Variants in PAH observed in about 807,000 individuals in gnomAD.
The protein encoded by PAH is phenylalanine hydroxylase.
In PAH, 64 loss-of-function variants were observed where a neutral mutation model predicts 62.0. That is an observed-to-expected ratio of 1.03 (90% confidence interval 0.84 to 1.27). The LOEUF (loss-of-function observed/expected upper bound fraction) is 1.27, where lower values mean the gene tolerates loss of function less well. Ranked by LOEUF, PAH falls within the 50% of genes most tolerant of loss-of-function variation. The pLI is 0.00. For missense variants in PAH, 579 were observed against 542.8 expected (o/e 1.07, Z -0.66); for synonymous variants, 195 against 196.2 (o/e 0.99, Z 0.05).
intron 2 of PAH, among the ~76,000 whole-genome samples, chr12:102,911,783 A>G (rs767330131): frequency 3.3e-5 from 5 of 152,172 alleles, no homozygotes; most frequent in Non-Finnish European, 7.3e-5. Context: ...CATGCCCCAA[A>G]AGGATTTGTT....
At chr12:102,948,187 G>T (rs897906571) in intron 1 of PAH, among the ~76,000 whole-genome samples, 1 of 152,134 alleles carries the variant, frequency 6.6e-6, no homozygotes, top group Non-Finnish European at 1.5e-5. Context: ...GGGAAGGTAC[G>T]CATTTTATAA....
chr12:102,949,505 T>A (rs1879652999), intron 1 of PAH, among the ~76,000 whole-genome samples: 1 of 152,214 alleles, frequency 6.6e-6, no homozygotes, highest in African/African-American at 2.4e-5. Context: ...TGAGAGACGA[T>A]GAGCAACTTG....
chr12:102,927,116 A>C (rs562523542), intron 1 of PAH, among the ~76,000 whole-genome samples: 1 of 152,110 alleles, frequency 6.6e-6, no homozygotes. Context: ...GAGAAGGCTC[A>C]GCCATTGATA....
chr12:102,851,308 C>T (rs1875138337), intron 8 of PAH, among the ~76,000 whole-genome samples: 1 of 152,054 alleles, frequency 6.6e-6, no homozygotes, highest in Admixed American at 6.5e-5. Flanking sequence ...ACACAAATAA[C>T]TGCCTGACAA....
At chr12:102,906,527 G>T (rs1339793793) in intron 2 of PAH, among the ~76,000 whole-genome samples, 1 of 152,118 alleles carries the variant, frequency 6.6e-6, no homozygotes, top group African/African-American at 2.4e-5. Context: ...GAGGTTAAAA[G>T]TTATGAACCT....
At chr12:102,912,529 C>A (rs554513929) in intron 2 of PAH, among the ~76,000 whole-genome samples, 1 of 152,114 alleles carries the variant, frequency 6.6e-6, no homozygotes, top group East Asian at 1.9e-4. Context: ...AGGCATTTTA[C>A]AAAACACATT....
rs1317127432 is a variant in PAH, at chr12:102,868,156, A to G, written c.442-1493T>C. Among the ~76,000 whole-genome samples, 6 of 6,332 alleles carry G rather than the reference A, an allele frequency of 9.5e-4. 1 individual carries two copies. The highest frequency in any genetic ancestry group is 6.3e-3 in the African/African-American group (5 of 788). The allele number at this position is 6,332 out of a possible 152,430, so 4.2% of individuals were successfully genotyped here. A position where few individuals can be genotyped will look rare whatever the true frequency, so the allele number is the denominator to read the frequency against. On this transcript the variant is annotated intron_variant, in intron 4 of 12. Coordinates refer to ENST00000553106, the MANE Select transcript of PAH (RefSeq NM_000277.3). ...TATATATATATATATATATATATAC[A>G]CATATATATACATATATGTGTATAT...
intron 1 of PAH, chr12:102,950,202 C>G (rs552683103): frequency 6.6e-6 from 1 of 152,346 alleles, no homozygotes; most frequent in Admixed American, 6.5e-5. Flanking sequence ...AGAAATCCTT[C>G]TCTTCCTCTC....
At chr12:102,849,747 C>T (rs1049990626) in intron 8 of PAH, among the ~76,000 whole-genome samples, 1 of 152,188 alleles carries the variant, frequency 6.6e-6, no homozygotes, top group African/African-American at 2.4e-5. Context: ...TCTTAGTCAC[C>T]ATTCTTTGTG....
At position 102,912,718 on chromosome 12, in the gene PAH, T is replaced by C. The variant is rs1199136525; in HGVS notation, c.168+73A>G. On this transcript the variant is annotated intron_variant, in intron 2 of 12. Transcript: ENST00000553106. ...TGTTCCAGATCCTGTGTTCTTTTCA[T>C]TGCATCTAACTAGAAAAGAACATGG... 6.6e-6 allele frequency: 7 copies of C among 1,057,630 alleles called. No homozygotes were observed. In the South Asian group the frequency reaches 8.8e-5, roughly 13 times the overall value. The allele number at this position is 1,057,630 out of a possible 1,614,324, so 65.5% of individuals were successfully genotyped here.
intron 8 of PAH, 119 bp from the exon 9 acceptor site, chr12:102,847,070 G>C (rs1175835605): frequency 6.5e-6 from 5 of 770,368 alleles, no homozygotes; most frequent in Non-Finnish European, 1.2e-5. Flanking sequence ...AGCCCACATA[G>C]ACCCTGAGTG....
At chr12:102,922,032 C>A (rs1369191732), upstream of PAH, among the ~76,000 whole-genome samples, 1 of 151,914 alleles carries the variant, frequency 6.6e-6, no homozygotes, top group Non-Finnish European at 1.5e-5. Context: ...TTTCACATTC[C>A]CCTGTTCATC....
intron 2 of PAH, among the ~76,000 whole-genome samples, chr12:102,898,589 G>A (rs1471111439): frequency 6.6e-6 from 1 of 152,192 alleles, no homozygotes; most frequent in Non-Finnish European, 1.5e-5. Flanking sequence ...GAACTGTAGT[G>A]ATGCCTTTTC....
At chr12:102,936,515 C>T (rs1030662876) in intron 1 of PAH, among the ~76,000 whole-genome samples, 1 of 152,062 alleles carries the variant, frequency 6.6e-6, no homozygotes, top group African/African-American at 2.4e-5. Context: ...GGGAATCTAC[C>T]TCTTTCTTTA....
At chr12:102,955,192 G>A (rs1217221843), upstream of PAH, among the ~76,000 whole-genome samples, 2 of 152,158 alleles carry the variant, frequency 1.3e-5, no homozygotes, top group Non-Finnish European at 1.5e-5. Context: ...TTCATGGTGT[G>A]TGTAGGGGGG....
At chr12:102,921,857 G>A (rs1878558017), upstream of PAH, among the ~76,000 whole-genome samples, 1 of 151,958 alleles carries the variant, frequency 6.6e-6, no homozygotes, top group African/African-American at 2.4e-5. Flanking sequence ...TTCTTTCTCT[G>A]ATTTGAAAGT....
At chr12:102,847,162 T>G in intron 8 of PAH, 1 of 590,870 alleles carries the variant, frequency 1.7e-6, no homozygotes, top group South Asian at 1.9e-5. Context: ...CACTTGGCCC[T>G]TTGTTTTCAC....
intron 3 of PAH, among the ~76,000 whole-genome samples, chr12:102,885,519 G>A (rs367853161): frequency 3.3e-5 from 5 of 152,166 alleles, no homozygotes; most frequent in South Asian, 2.1e-4. Context: ...GGAGGCACCC[G>A]GTGGGGGCAG....
chr12:102,840,684 T>A (rs1434736874), intron 11 of PAH, among the ~76,000 whole-genome samples, 169 bp from the exon 12 acceptor site: 2 of 152,146 alleles, frequency 1.3e-5, no homozygotes, highest in Non-Finnish European at 2.9e-5. Context: ...TAATGAGTCT[T>A]CTTGGGAAGC....
Sources: allele counts gnomAD v4.1 joint callset (sites outside exome capture counted in the v4.1 genomes callset), GRCh38; gene constraint gnomAD v4.1.1; transcripts MANE v1.5; gene names NCBI Gene and HGNC (gene_info 2026-07-23, HGNC 2026-07-21).